DENND1B: variants seen among roughly 807,000 people sequenced by gnomAD.
The protein encoded by DENND1B is DENN domain containing 1B.
A neutral mutation model predicts 90.1 loss-of-function variants in DENND1B; 59 were observed. The observed-to-expected ratio is 0.65, with a 90% CI of 0.53 to 0.81. The LOEUF (loss-of-function observed/expected upper bound fraction) is 0.81, where lower values mean the gene tolerates loss of function less well. DENND1B is among the 40% of genes least tolerant of loss of function. The pLI is 0.00. For missense variants in DENND1B, 862 were observed against 912.6 expected (o/e 0.94, Z 0.71); for synonymous variants, 337 against 324.6 (o/e 1.04, Z -0.41).
intron 10 of DENND1B, among the ~76,000 whole-genome samples, chr1:197,639,434 A>G (rs1044322290): frequency 6.6e-6 from 1 of 152,162 alleles, no homozygotes; most frequent in Non-Finnish European, 1.5e-5. Context: ...TTCTCTAATG[A>G]GAGTGTCACC....
At chr1:197,664,131 A>G (rs2125967778) in intron 5 of DENND1B, among the ~76,000 whole-genome samples, 1 of 152,172 alleles carries the variant, frequency 6.6e-6, no homozygotes, top group African/African-American at 2.4e-5. Flanking sequence ...GGGAATTTTC[A>G]AACGATACAT....
chr1:197,549,615 C>T (rs1338429335), intron 16 of DENND1B, among the ~76,000 whole-genome samples: 3 of 152,050 alleles, frequency 2.0e-5, no homozygotes, highest in Non-Finnish European at 4.4e-5. Context: ...TTCTTACCTG[C>T]TTTTTCACAG....
At chr1:197,564,893 G>A (rs1672493504) in intron 15 of DENND1B, among the ~76,000 whole-genome samples, 1 of 151,970 alleles carries the variant, frequency 6.6e-6, no homozygotes, top group Admixed American at 6.6e-5. Context: ...ATTGAAATCA[G>A]TTAACAAGAG....
intron 15 of DENND1B, among the ~76,000 whole-genome samples, chr1:197,574,554 C>G (rs1673481066): frequency 6.6e-6 from 1 of 152,154 alleles, no homozygotes; most frequent in African/African-American, 2.4e-5. Context: ...CCCCATGAAG[C>G]TACCAATGAC....
At chr1:197,583,791 G>C (rs1275414882) in intron 14 of DENND1B, among the ~76,000 whole-genome samples, 3 of 152,054 alleles carry the variant, frequency 2.0e-5, no homozygotes, top group African/African-American at 2.4e-5. Context: ...TTAATCCTTT[G>C]CGTTAAGTAA....
intron 2 of DENND1B, among the ~76,000 whole-genome samples, chr1:197,764,289 C>T (rs1211109344): frequency 6.6e-6 from 1 of 152,106 alleles, no homozygotes; most frequent in African/African-American, 2.4e-5. Flanking sequence ...GAAGTGAAGA[C>T]AAATGGAAGA....
intron 20 of DENND1B, among the ~76,000 whole-genome samples, chr1:197,529,700 A>G (rs1451707786): frequency 6.6e-6 from 1 of 152,182 alleles, no homozygotes; most frequent in Non-Finnish European, 1.5e-5. Flanking sequence ...TTATTCTTAG[A>G]AAAGAAAATG....
rs1327531123 is a variant in DENND1B at position 197,713,608 on chromosome 1, T to C, written c.126+1423A>G. ...GTGGGGTCGGGGGAGGGGGGAGGGATAGCATTGGGAGATATACCTAATGCT... is the reference window on the plus strand; with the variant it reads ...GTGGGGTCGGGGGAGGGGGGAGGGACAGCATTGGGAGATATACCTAATGCT... On this transcript the variant is annotated intron_variant, in intron 3 of 22. Transcript: ENST00000620048. Among the ~76,000 whole-genome samples, 10 of 41,502 alleles carry C rather than the reference T, an allele frequency of 2.4e-4. No individual in the cohort carries two copies. In the East Asian group the frequency reaches 0.011, roughly 46 times the overall value. The allele number at this position is 41,502 out of a possible 152,430, so 27.2% of individuals were successfully genotyped here.
chr1:197,629,639 G>A (rs1558327710), intron 10 of DENND1B, among the ~76,000 whole-genome samples: 1 of 151,636 alleles, frequency 6.6e-6, no homozygotes, highest in South Asian at 2.1e-4. Context: ...TAACTAAGCT[G>A]CACATTGTGC....
chr1:197,575,321 A>G (rs1673570728), intron 15 of DENND1B, among the ~76,000 whole-genome samples: 1 of 152,238 alleles, frequency 6.6e-6, no homozygotes, highest in South Asian at 2.1e-4. Flanking sequence ...GCCAACAGAC[A>G]TATGAAAAAA....
At chr1:197,574,258 T>C (rs1673445090) in intron 15 of DENND1B, among the ~76,000 whole-genome samples, 1 of 152,160 alleles carries the variant, frequency 6.6e-6, no homozygotes, top group African/African-American at 2.4e-5. Flanking sequence ...GGATACAAAA[T>C]CAGTGTGCAA....
At chr1:197,657,696 T>C (rs780514956) in intron 6 of DENND1B, among the ~76,000 whole-genome samples, 2 of 152,142 alleles carry the variant, frequency 1.3e-5, no homozygotes, top group Non-Finnish European at 2.9e-5. Context: ...GCTCTCATGA[T>C]TCCTCAAAAA....
intron 14 of DENND1B, among the ~76,000 whole-genome samples, chr1:197,590,718 T>G (rs923936815): frequency 1.6e-4 from 25 of 152,202 alleles, no homozygotes; most frequent in African/African-American, 5.5e-4. Flanking sequence ...ATGCAAATCA[T>G]CCTAGTGGGT....
At chr1:197,719,671 G>T (rs1014271049) in intron 2 of DENND1B, among the ~76,000 whole-genome samples, 1 of 152,138 alleles carries the variant, frequency 6.6e-6, no homozygotes, top group Non-Finnish European at 1.5e-5. Context: ...CAGCAAAGTG[G>T]CATTTCTCTC....
intron 20 of DENND1B, 79 bp from the exon 21 acceptor site, chr1:197,513,032 G>T: frequency 8.2e-7 from 1 of 1,220,648 alleles, no homozygotes; most frequent in South Asian, 1.4e-5. Flanking sequence ...GCAACAATGT[G>T]ATTTCATAAG....
At position 197,689,036 on chromosome 1, in the gene DENND1B, GC is replaced by G. The variant is rs1657568460; in HGVS notation, c.127-14868del. 1.4e-5 allele frequency: 3 copies of G among 215,218 alleles called. No individual in the cohort carries two copies. In the South Asian group the frequency reaches 2.4e-4, roughly 17 times the overall value. 13.3% of individuals were successfully genotyped at this position (215,218 alleles called of 1,614,324 possible). ...ATACTACTATGTGACTATCATTGATGCCCCAGGACACAGAGAATTTACCAAA... is the reference window on the plus strand; with the variant it reads ...ATACTACTATGTGACTATCATTGATGCCCAGGACACAGAGAATTTACCAAA... On this transcript the variant is annotated intron_variant, in intron 3 of 22. Coordinates refer to ENST00000620048, the MANE Select transcript of DENND1B (RefSeq NM_001195215.2).
chr1:197,664,046 A>G (rs548358327), intron 5 of DENND1B, among the ~76,000 whole-genome samples: 31 of 151,978 alleles, frequency 2.0e-4, no homozygotes, highest in Non-Finnish European at 1.5e-5. Context: ...GAGATAAAAA[A>G]TACTGTAAAT....
At chr1:197,669,871 G>C (rs185202362) in intron 5 of DENND1B, among the ~76,000 whole-genome samples, 1 of 151,956 alleles carries the variant, frequency 6.6e-6, no homozygotes, top group Non-Finnish European at 1.5e-5. Flanking sequence ...TGGAATACAC[G>C]ATTTTACTTT....
chr1:197,749,773 AAAT>A (rs1163684439), intron 2 of DENND1B, among the ~76,000 whole-genome samples: 1 of 152,190 alleles, frequency 6.6e-6, no homozygotes, highest in African/African-American at 2.4e-5. Flanking sequence ...GTCTAAACAA[AAAT>A]AATTATGGGG....
Sources: gnomAD v4.1 joint callset for allele counts (sites outside exome capture counted in the v4.1 genomes callset) on GRCh38, gnomAD v4.1.1 for gene constraint, MANE v1.5 for transcripts, NCBI Gene and HGNC (gene_info 2026-07-23, HGNC 2026-07-21) for gene names.